SUGCT: variants seen among roughly 807,000 people sequenced by gnomAD.
The protein encoded by SUGCT is succinyl-CoA:glutarate CoA-transferase.
A neutral mutation model predicts 55.0 loss-of-function variants in SUGCT; 41 were observed. The observed-to-expected ratio is 0.74, with a 90% CI of 0.58 to 0.97. SUGCT has a LOEUF of 0.97. SUGCT is among the 50% of genes least tolerant of loss of function. The pLI is 0.00. For missense variants in SUGCT, 568 were observed against 547.8 expected, an observed-to-expected ratio of 1.04 and a Z score of -0.37; for synonymous variants, 187 against 200.4, an observed-to-expected ratio of 0.93 and a Z score of 0.56.
At chr7:41,024,226 G>C in the SUGCT span, among the ~76,000 whole-genome samples, 1 of 152,180 alleles carries the variant, frequency 6.6e-6, no homozygotes, top group Non-Finnish European at 1.5e-5. Flanking sequence ...AAATGTGGAA[G>C]GCAAAACCTA....
chr7:40,507,595 A>G (rs1317511672), intron 12 of SUGCT, among the ~76,000 whole-genome samples: 2 of 152,160 alleles, frequency 1.3e-5, no homozygotes, highest in African/African-American at 2.4e-5. Context: ...AGATATGGAC[A>G]TAGTTGCCCA....
intron 13 of SUGCT, among the ~76,000 whole-genome samples, chr7:40,754,783 A>G (rs1231894406): frequency 2.0e-5 from 3 of 152,226 alleles, no homozygotes; most frequent in Non-Finnish European, 4.4e-5. Context: ...GTGATGTGCT[A>G]CTGTAAATAT....
chr7:41,026,295 A>C, the SUGCT span, among the ~76,000 whole-genome samples: 33 of 152,150 alleles, frequency 2.2e-4, no homozygotes, highest in African/African-American at 6.7e-4. Flanking sequence ...TCTCATCTTT[A>C]CCTGGTCAGC....
intron 12 of SUGCT, among the ~76,000 whole-genome samples, chr7:40,676,191 G>C (rs1339325189): frequency 6.6e-6 from 1 of 152,076 alleles, no homozygotes; most frequent in Non-Finnish European, 1.5e-5. Flanking sequence ...CTAGCAAAGG[G>C]ACTGATTAAA....
At chr7:40,649,718 A>G (rs914014967) in intron 12 of SUGCT, among the ~76,000 whole-genome samples, 1 of 152,200 alleles carries the variant, frequency 6.6e-6, no homozygotes. Flanking sequence ...CTCAAACTAA[A>G]GGCGTCTTCC....
chr7:40,643,265 A>C (rs1421164708), intron 12 of SUGCT, among the ~76,000 whole-genome samples: 1 of 152,162 alleles, frequency 6.6e-6, no homozygotes, highest in Non-Finnish European at 1.5e-5. Flanking sequence ...CTCTGTGTTG[A>C]TTTTAGGACC....
the SUGCT span, among the ~76,000 whole-genome samples, chr7:40,903,006 T>C: frequency 2.0e-5 from 3 of 151,800 alleles, no homozygotes; most frequent in African/African-American, 7.3e-5. Context: ...CCAAATCAAA[T>C]TACTTTCTTT....
intron 1 of SUGCT, among the ~76,000 whole-genome samples, chr7:40,142,319 G>A (rs1788031864): frequency 6.6e-6 from 1 of 152,202 alleles, no homozygotes; most frequent in African/African-American, 2.4e-5. Context: ...ATTCTTTGAA[G>A]AGAAATTTAG....
chr7:40,898,779 G>A, the SUGCT span, among the ~76,000 whole-genome samples: 1 of 152,072 alleles, frequency 6.6e-6, no homozygotes, highest in Non-Finnish European at 1.5e-5. Flanking sequence ...ACCAATTCTG[G>A]ACACAAAATG....
intron 12 of SUGCT, among the ~76,000 whole-genome samples, chr7:40,734,797 T>C (rs1787075613): frequency 6.6e-6 from 1 of 152,110 alleles, no homozygotes; most frequent in African/African-American, 2.4e-5. Flanking sequence ...ATAAGAAAAA[T>C]GTTTGCCTCA....
At chr7:40,817,116 T>C (rs1791709223) in intron 13 of SUGCT, among the ~76,000 whole-genome samples, 1 of 152,226 alleles carries the variant, frequency 6.6e-6, no homozygotes, top group South Asian at 2.1e-4. Flanking sequence ...CTGGATCTTC[T>C]TCATTTTTGT....
intron 12 of SUGCT, among the ~76,000 whole-genome samples, chr7:40,656,626 C>G (rs1359140901): frequency 6.6e-6 from 1 of 152,154 alleles, no homozygotes; most frequent in African/African-American, 2.4e-5. Flanking sequence ...TTCTTAAAAC[C>G]TACTCCTCTC....
intron 12 of SUGCT, among the ~76,000 whole-genome samples, chr7:40,711,063 A>T (rs1338216412): frequency 4.6e-5 from 7 of 152,236 alleles, no homozygotes; most frequent in Admixed American, 3.9e-4. Flanking sequence ...TAAATCAGAG[A>T]TGAGCAATCT....
At chr7:40,445,680 C>A (rs1288675708) in intron 9 of SUGCT, among the ~76,000 whole-genome samples, 1 of 152,078 alleles carries the variant, frequency 6.6e-6, no homozygotes, top group Non-Finnish European at 1.5e-5. Flanking sequence ...CAAAGCTTGG[C>A]AGAGACACAA....
chr7:40,146,212 G>A lies in SUGCT; in HGVS notation c.100+11092G>A, dbSNP rs145694064. 4.5e-3 allele frequency among the ~76,000 whole-genome samples: 677 copies of A among 152,122 alleles called. 5 individuals are homozygous for A. The highest frequency in any genetic ancestry group is 0.015 in the African/African-American group (627 of 41,494). ...TGCTAGCAAAGCAGTTGCCGCTACA[G>A]ATTGAATGCATTTGGGCCATCCGCA... On this transcript the variant is annotated intron_variant, in intron 1 of 13. Transcript: ENST00000335693.
At chr7:40,610,949 C>T (rs1042896337) in intron 12 of SUGCT, among the ~76,000 whole-genome samples, 1 of 152,154 alleles carries the variant, frequency 6.6e-6, no homozygotes, top group Admixed American at 6.5e-5. Context: ...ATCAGCACTC[C>T]TCCTCTGATC....
At chr7:40,929,466 AT>A in the SUGCT span, among the ~76,000 whole-genome samples, 1 of 152,274 alleles carries the variant, frequency 6.6e-6, no homozygotes, top group South Asian at 2.1e-4. Flanking sequence ...GTCAAATGGT[AT>A]TTCTAGTTCT....
At chr7:40,688,719 T>C in intron 12 of SUGCT, among the ~76,000 whole-genome samples, 1 of 151,952 alleles carries the variant, frequency 6.6e-6, no homozygotes, top group Admixed American at 6.6e-5. Flanking sequence ...ACTTTCCCCT[T>C]TTGAAAAATG....
chr7:40,860,592 A>G lies in SUGCT; in HGVS notation c.*113A>G. On this transcript the variant is annotated 3_prime_UTR_variant, in exon 14 of 14. Transcript: ENST00000335693. Reference sequence around the variant, plus strand: ...TACCACTAAAAAGAAGATTTAGAGTAACTCCAGATTTCTTACATGGCATCT... The same window carrying G: ...TACCACTAAAAAGAAGATTTAGAGTGACTCCAGATTTCTTACATGGCATCT... 8.7e-7 allele frequency: 1 copy of G among 1,146,490 alleles called. No homozygotes were observed. Among genetic ancestry groups the G allele is most frequent in the Non-Finnish European group, 1.2e-6 (1 of 845,756 alleles). 71.0% of individuals were successfully genotyped at this position (1,146,490 alleles called of 1,614,324 possible). A position where few individuals can be genotyped will look rare whatever the true frequency, so the allele number is the denominator to read the frequency against.
Sources: gnomAD v4.1 joint callset for allele counts (sites outside exome capture counted in the v4.1 genomes callset) on GRCh38, gnomAD v4.1.1 for gene constraint, MANE v1.5 for transcripts, NCBI Gene and HGNC (gene_info 2026-07-23, HGNC 2026-07-21) for gene names.